The following UTRN variants were observed in gnomAD, a reference collection of about 807,000 sequenced individuals.
UTRN encodes the protein utrophin.
A neutral mutation model predicts 463.9 loss-of-function variants in UTRN; 283 were observed. That is an observed-to-expected ratio of 0.61 (90% CI 0.55 to 0.67). The LOEUF is 0.67. UTRN is among the 30% of genes least tolerant of loss of function. The pLI, the probability that UTRN is intolerant of heterozygous loss-of-function variation, is 0.00. For synonymous variants in UTRN, 1,442 were observed against 1,431.5 expected, an observed-to-expected ratio of 1.01 and a Z score of -0.17; for missense variants, 3,922 against 4,084.3, an observed-to-expected ratio of 0.96 and a Z score of 1.08.
At chr6:144,486,125 A>C (rs1236925778) in intron 28 of UTRN, among the ~76,000 whole-genome samples, 4 of 152,242 alleles carry the variant, frequency 2.6e-5, no homozygotes, top group African/African-American at 9.6e-5. Context: ...AGGTTTGCTT[A>C]ACAAAAAAGA....
chr6:144,443,384 G>C (rs1323063820), intron 13 of UTRN, among the ~76,000 whole-genome samples: 2 of 152,130 alleles, frequency 1.3e-5, no homozygotes, highest in African/African-American at 4.8e-5. Context: ...AGGTTAAGTA[G>C]TCCTCCTGAG....
At chr6:144,661,480 G>A (rs1038495673) in intron 51 of UTRN, among the ~76,000 whole-genome samples, 42 of 152,190 alleles carry the variant, frequency 2.8e-4, no homozygotes, top group African/African-American at 9.6e-4. Flanking sequence ...TCGACCTCTC[G>A]CTTTAATATG....
Position 144,611,259 on chromosome 6 carries a change from C to T in UTRN, c.7479+33971C>T, listed in dbSNP as rs550064502. Among the ~76,000 whole-genome samples the T allele has an allele frequency of 3.3e-5, 5 of 152,332 alleles. No individual in the cohort carries two copies. The South Asian group carries it at 1.0e-3, about 32-fold the overall frequency. On this transcript the variant is annotated intron_variant, in intron 51 of 74. Coordinates refer to ENST00000367545, the MANE Select transcript of UTRN (RefSeq NM_007124.3). ...GTATAGACAAACATTTAGCTAACAT[C>T]ATTCCCAGTGGTAAAAAGTTGAAAG...
At chr6:144,730,240 TG>T in intron 53 of UTRN, 116 bp from the exon 54 acceptor site, 1 of 1,160,098 alleles carries the variant, frequency 8.6e-7, no homozygotes, top group Non-Finnish European at 1.1e-6. Flanking sequence ...TTAGCTGAAA[TG>T]CTTGCTATTA....
rs766289016 is a variant in UTRN, at chr6:144,548,802, T to C, written c.6758T>C (p.Ile2253Thr). The change falls in exon 47 of 75, where the codon ATT becomes ACT. Residue 2253 changes from isoleucine (I) to threonine (T), a missense_variant. Transcript: ENST00000367545. ...VLIDQMLKSN[I>T]VTVGDVEEIN... ...ATCGACCAGATGCTGAAGTCCAACA[T>C]TGTCACTGTTGGGGATGTAGAAGAG... 2.5e-6 allele frequency: 4 copies of C among 1,614,040 alleles called. No individual in the cohort carries two copies. Among genetic ancestry groups the C allele is most frequent in the African/African-American group, 1.3e-5 (1 of 75,036 alleles).
chr6:144,388,332 G>A (rs1053527499), intron 2 of UTRN, among the ~76,000 whole-genome samples: 1 of 150,124 alleles, frequency 6.7e-6, no homozygotes, highest in African/African-American at 2.5e-5. Flanking sequence ...TTTTTTTTTA[G>A]AGACAGGGTC....
intron 2 of UTRN, among the ~76,000 whole-genome samples, chr6:144,303,754 T>G (rs1805493399): frequency 6.6e-6 from 1 of 152,190 alleles, no homozygotes; most frequent in Admixed American, 6.5e-5. Context: ...AGAAAGGTAA[T>G]GTTAATCTCA....
chr6:144,701,838 T>A (rs1156926151), intron 53 of UTRN, among the ~76,000 whole-genome samples: 4 of 152,184 alleles, frequency 2.6e-5, no homozygotes, highest in Non-Finnish European at 5.9e-5. Flanking sequence ...ATTATCAAAA[T>A]TACCATTTGG....
At chr6:144,754,855 C>G in intron 57 of UTRN, 57 bp downstream of exon 57, 4 of 1,533,304 alleles carry the variant, frequency 2.6e-6, no homozygotes, top group South Asian at 1.2e-5. Flanking sequence ...CATTTTCTTT[C>G]ACTTTAATTG....
At chr6:144,598,130 G>A (rs571333178) in intron 51 of UTRN, among the ~76,000 whole-genome samples, 8 of 152,204 alleles carry the variant, frequency 5.3e-5, no homozygotes, top group Non-Finnish European at 8.8e-5. Context: ...AGCCAAATAT[G>A]AGTGACCATG....
At chr6:144,521,956 T>TATA (rs11378187) in intron 39 of UTRN, 24 bp from the exon 40 acceptor site, 247 of 1,023,060 alleles carry the variant, frequency 2.4e-4, no homozygotes, top group East Asian at 9.9e-4. Context: ...TATATATATA[T>TATA]TTTTTTTTTT....
At chr6:144,849,478 A>T (rs1482812489) in intron 74 of UTRN, among the ~76,000 whole-genome samples, 1 of 152,190 alleles carries the variant, frequency 6.6e-6, no homozygotes, top group African/African-American at 2.4e-5. Flanking sequence ...TAGATTTTAG[A>T]AATTGAGTTT....
At chr6:144,788,690 G>A (rs1009406976) in intron 61 of UTRN, among the ~76,000 whole-genome samples, 4 of 151,206 alleles carry the variant, frequency 2.6e-5, no homozygotes, top group African/African-American at 7.3e-5. Context: ...TCAGCCTCCC[G>A]AGTAGCTAGG....
intron 69 of UTRN, 114 bp from the exon 70 acceptor site, chr6:144,835,666 A>G: frequency 7.0e-7 from 1 of 1,423,678 alleles, no homozygotes; most frequent in Non-Finnish European, 9.5e-7. Context: ...ACTGAGCTCT[A>G]AGACAAACTT....
chr6:144,742,119 A>G (rs1438477850), intron 54 of UTRN, among the ~76,000 whole-genome samples: 1 of 152,186 alleles, frequency 6.6e-6, no homozygotes, highest in Non-Finnish European at 1.5e-5. Flanking sequence ...TGAGAAGTCC[A>G]CTGGCAGCAT....
chr6:144,460,862 T>C (rs897704208), intron 21 of UTRN, among the ~76,000 whole-genome samples: 2 of 152,226 alleles, frequency 1.3e-5, no homozygotes, highest in African/African-American at 4.8e-5. Context: ...TTTTCTTTTA[T>C]TCTTTGTGTA....
At chr6:144,839,040 GA>G in intron 71 of UTRN, 132 bp from the exon 72 acceptor site, 1 of 616,624 alleles carries the variant, frequency 1.6e-6, no homozygotes, top group Admixed American at 3.2e-5. Context: ...AAAATGTATG[GA>G]AAACATCTGA....
intron 61 of UTRN, among the ~76,000 whole-genome samples, chr6:144,782,626 G>GTA (rs949125195): frequency 9.5e-5 from 13 of 136,594 alleles, no homozygotes; most frequent in Non-Finnish European, 1.8e-4. Flanking sequence ...ATGTGTGTGT[G>GTA]TATATATATA....
intron 65 of UTRN, among the ~76,000 whole-genome samples, chr6:144,818,189 A>G (rs1318463761): frequency 6.6e-6 from 1 of 152,216 alleles, no homozygotes; most frequent in Non-Finnish European, 1.5e-5. Flanking sequence ...ACCATATATT[A>G]TATTAATTTG....
Sources: allele counts gnomAD v4.1 joint callset (sites outside exome capture counted in the v4.1 genomes callset), GRCh38; gene constraint gnomAD v4.1.1; transcripts MANE v1.5; gene names NCBI Gene and HGNC (gene_info 2026-07-23, HGNC 2026-07-21).